The following METTL6 variants were observed in gnomAD, a reference collection of about 807,000 sequenced individuals.
The protein encoded by METTL6 is tRNA N(3)-cytidine methyltransferase METTL6.
METTL6 carries 22 observed loss-of-function variants against 26.4 expected under a neutral mutation model. The ratio of observed to expected loss-of-function variants is 0.83; its 90% CI spans 0.59 to 1.19. The LOEUF is 1.19. Among genes scored for constraint, METTL6 ranks in the 50% most tolerant of loss-of-function variants. The probability of loss-of-function intolerance (pLI) is 0.00; values close to 1 mark genes in which losing one functional copy is unlikely to be tolerated. For missense variants in METTL6, 304 were observed against 324.8 expected, an observed-to-expected ratio of 0.94 and a Z score of 0.49; for synonymous variants, 109 against 116.2, an observed-to-expected ratio of 0.94 and a Z score of 0.40.
intron 6 of METTL6, among the ~76,000 whole-genome samples, chr3:15,387,234 C>G (rs538909312): frequency 4.6e-5 from 7 of 152,304 alleles, no homozygotes; most frequent in Middle Eastern, 3.4e-3. Flanking sequence ...GAGACAGGGC[C>G]CTCCCCTGCC....
chr3:15,402,912 A>C (rs1391757484), intron 6 of METTL6, among the ~76,000 whole-genome samples: 1 of 152,176 alleles, frequency 6.6e-6, no homozygotes, highest in Non-Finnish European at 1.5e-5. Context: ...AGGCAAGAAG[A>C]GGGTTTATTT....
At chr3:15,395,434 G>A (rs553235162) in intron 6 of METTL6, among the ~76,000 whole-genome samples, 12 of 152,246 alleles carry the variant, frequency 7.9e-5, no homozygotes, top group African/African-American at 2.6e-4. Context: ...GCAGACTGAT[G>A]GGTCTTGACT....
chr3:15,390,738 G>C (rs1430380276), intron 6 of METTL6, among the ~76,000 whole-genome samples: 1 of 152,210 alleles, frequency 6.6e-6, no homozygotes, highest in Non-Finnish European at 1.5e-5. Context: ...GTGCCAACCA[G>C]CTCAGTGGAG....
chr3:15,391,004 C>T (rs904269704), intron 6 of METTL6, among the ~76,000 whole-genome samples: 1 of 152,146 alleles, frequency 6.6e-6, no homozygotes, highest in Non-Finnish European at 1.5e-5. Context: ...GGGGATGATG[C>T]GGGAAGAAGG....
At chr3:15,420,942 C>G (rs553707668) in intron 3 of METTL6, among the ~76,000 whole-genome samples, 5 of 152,142 alleles carry the variant, frequency 3.3e-5, no homozygotes, top group South Asian at 2.1e-4. Flanking sequence ...TTATTATGTA[C>G]GTGTAACATT....
intron 6 of METTL6, among the ~76,000 whole-genome samples, chr3:15,404,529 T>A (rs1364923318): frequency 7.1e-6 from 1 of 141,608 alleles, no homozygotes; most frequent in Non-Finnish European, 1.6e-5. Flanking sequence ...TTTTTTTTTT[T>A]AAGTAGAGAC....
At chr3:15,406,609 TATATATATATATATATATATAGAGAG>T (rs1391974236), downstream of METTL6, among the ~76,000 whole-genome samples, 98 of 89,258 alleles carry the variant, frequency 1.1e-3, no homozygotes, top group African/African-American at 4.1e-3. Context: ...TATATATATA[TATATATATATATATATATATAGAGAG>T]AGAGAGAGAG....
chr3:15,394,155 A>G (rs1486174086), intron 6 of METTL6, among the ~76,000 whole-genome samples: 1 of 152,192 alleles, frequency 6.6e-6, no homozygotes, highest in Non-Finnish European at 1.5e-5. Context: ...TAAGCTATTA[A>G]TTATTGCCTC....
Position 15,426,441 on chromosome 3 carries a change from CTT to C in METTL6, c.69_70del (p.Asp25ProfsTer6). On this transcript the variant is annotated frameshift_variant, in exon 2 of 6. Transcript: ENST00000383790. LOFTEE classifies it high-confidence loss of function. ...AAAATCAGACACCAAAGTTTGGTCT[CTT>C]TTCAGTTTCTCCTCTTCTTCAGAGG... The C allele has an allele frequency of 1.9e-6, 3 of 1,614,218 alleles. No homozygotes were observed. The highest frequency in any genetic ancestry group is 8.5e-7 in the Non-Finnish European group (1 of 1,180,042).
At chr3:15,406,236 CCA>C (rs1352343561), downstream of METTL6, among the ~76,000 whole-genome samples, 1 of 151,884 alleles carries the variant, frequency 6.6e-6, no homozygotes, top group Non-Finnish European at 1.5e-5. Flanking sequence ...CTATATGATT[CCA>C]CACAGTTTGC....
intron 3 of METTL6, among the ~76,000 whole-genome samples, chr3:15,416,401 C>T (rs9862046): frequency 0.013 from 2,035 of 152,232 alleles, 23 homozygotes; most frequent in African/African-American, 0.026. Context: ...CAGGTGTGCA[C>T]CACTGCATCT....
At chr3:15,392,035 G>T (rs1166193495) in intron 6 of METTL6, among the ~76,000 whole-genome samples, 1 of 152,162 alleles carries the variant, frequency 6.6e-6, no homozygotes, top group East Asian at 1.9e-4. Flanking sequence ...GGCTGGGTCA[G>T]ATGGTATTTC....
Position 15,392,277 on chromosome 3 carries a change from T to C in METTL6, c.*12-8090A>G, listed in dbSNP as rs548816467. Among the ~76,000 whole-genome samples, 12 of 152,316 alleles carry C rather than the reference T, an allele frequency of 7.9e-5. No individual in the cohort carries two copies. In the South Asian group the frequency reaches 1.9e-3, roughly 24 times the overall value. On this transcript the variant is annotated intron_variant, in intron 6 of 6. Transcript: ENST00000443029. ...ATGATGAGCATTTTTTCATGTGTCT[T>C]TTGGCTGCATAAATGTCTTCTTTTG...
intron 6 of METTL6, among the ~76,000 whole-genome samples, chr3:15,390,824 C>T (rs2124901009): frequency 6.7e-6 from 1 of 149,186 alleles, no homozygotes; most frequent in South Asian, 2.1e-4. Flanking sequence ...GTCACACGAA[C>T]AGATTGAAGG....
intron 6 of METTL6, among the ~76,000 whole-genome samples, chr3:15,396,308 A>T (rs986102487): frequency 1.3e-5 from 2 of 151,984 alleles, no homozygotes; most frequent in Non-Finnish European, 2.9e-5. Flanking sequence ...TGCATTTGTC[A>T]CGTAGTTCTT....
At chr3:15,394,078 GCTC>G (rs1447005864) in intron 6 of METTL6, among the ~76,000 whole-genome samples, 1 of 152,182 alleles carries the variant, frequency 6.6e-6, no homozygotes, top group Admixed American at 6.5e-5. Context: ...AATGGTACCA[GCTC>G]CTCCTTGAAC....
chr3:15,393,272 T>C (rs917186458), intron 6 of METTL6, among the ~76,000 whole-genome samples: 2 of 152,138 alleles, frequency 1.3e-5, no homozygotes, highest in African/African-American at 4.8e-5. Flanking sequence ...TGAATGGGAG[T>C]TCACTCATGA....
chr3:15,422,265 G>A (rs1301927718), intron 3 of METTL6, among the ~76,000 whole-genome samples: 1 of 152,194 alleles, frequency 6.6e-6, no homozygotes, highest in Non-Finnish European at 1.5e-5. Context: ...AGTCAAGGCT[G>A]CAGTGAGTCA....
intron 3 of METTL6, among the ~76,000 whole-genome samples, chr3:15,419,124 ACTC>A (rs929854987): frequency 3.3e-5 from 5 of 151,980 alleles, no homozygotes; most frequent in African/African-American, 1.2e-4. Context: ...GCACCACTAT[ACTC>A]CAGCCTAGGT....
Sources: gnomAD v4.1 joint callset for allele counts (sites outside exome capture counted in the v4.1 genomes callset) on GRCh38, gnomAD v4.1.1 for gene constraint, MANE v1.5 for transcripts, NCBI Gene and HGNC (gene_info 2026-07-23, HGNC 2026-07-21) for gene names.